The following ITGA5 variants were observed in gnomAD, a reference collection of about 807,000 sequenced individuals.
The protein encoded by ITGA5 is integrin subunit alpha 5.
A neutral mutation model predicts 146.3 loss-of-function variants in ITGA5; 55 were observed. The ratio of observed to expected loss-of-function variants is 0.38; its 90% CI spans 0.30 to 0.47. The LOEUF is 0.47. Among genes scored for constraint, ITGA5 ranks in the 20% least tolerant of loss-of-function variants. The pLI is 0.99. For synonymous variants in ITGA5, 500 were observed against 531.8 expected (o/e 0.94, Z 0.82); for missense variants, 1,131 against 1,329.0 (o/e 0.85, Z 2.32).
rs376779411 is a variant in ITGA5, at chr12:54,408,092, C to T, written c.817+18G>A. On this transcript the variant is annotated intron_variant, in intron 7 of 29. Transcript: ENST00000293379. Reference sequence around the variant, plus strand: ...TGAGGTTCTCCCTCTGCCATCCCTTCCCCACTTGCTTGCTCACCTAGGTAG... The same window carrying T: ...TGAGGTTCTCCCTCTGCCATCCCTTTCCCACTTGCTTGCTCACCTAGGTAG... 69 of 1,613,944 alleles carry T rather than the reference C, an allele frequency of 4.3e-5. No individual in the cohort carries two copies. In the African/African-American group the frequency reaches 8.0e-4, roughly 19 times the overall value.
intron 28 of ITGA5, 119 bp from the exon 29 acceptor site, chr12:54,397,606 G>C: frequency 4.1e-6 from 5 of 1,207,542 alleles, no homozygotes; most frequent in Non-Finnish European, 5.8e-6. Context: ...CTGGGGAACA[G>C]GGAGGGCCTG....
rs931865544 is a variant in ITGA5 at position 54,395,659 on chromosome 12, C to G, written c.*634G>C. 1 of 152,872 alleles carries G rather than the reference C, an allele frequency of 6.5e-6. No homozygotes were observed. Among genetic ancestry groups the G allele is most frequent in the African/African-American group, 2.4e-5 (1 of 41,442 alleles). 9.5% of individuals were successfully genotyped at this position (152,872 alleles called of 1,614,324 possible). A position where few individuals can be genotyped will look rare whatever the true frequency, so the allele number is the denominator to read the frequency against. ...TCTGGGTTCCAGATCAACTCCAGACCCCAGGCTGGATCTGGCCCCATTTGA... is the reference window on the plus strand; with the variant it reads ...TCTGGGTTCCAGATCAACTCCAGACGCCAGGCTGGATCTGGCCCCATTTGA... On this transcript the variant is annotated 3_prime_UTR_variant, in exon 30 of 30. Coordinates refer to ENST00000293379, the MANE Select transcript of ITGA5 (RefSeq NM_002205.5).
intron 9 of ITGA5, among the ~76,000 whole-genome samples, chr12:54,407,063 G>A (rs1404734969): frequency 6.6e-6 from 1 of 152,142 alleles, no homozygotes; most frequent in East Asian, 1.9e-4. Context: ...CTACCCCATA[G>A]GCTTGTTGTG....
In ITGA5 at chr12:54,405,253, TG is replaced by T. The variant is rs1463105197; in HGVS notation, c.1137del (p.Thr380ProfsTer17). 1 of 1,613,656 alleles carries T rather than the reference TG, an allele frequency of 6.2e-7. No homozygotes were observed. The highest frequency in any genetic ancestry group is 1.1e-5 in the South Asian group (1 of 91,052). ...TCATCATGGCCAGTGAGGGTAAGGG[TG>T]GGCGTGGGCTCTATGCCGGCTGGGT... ...LQHPAGIEPT[P>X]TLTLTGHDEF... is the part of the protein sequence containing the mutation. On this transcript the variant is annotated frameshift_variant, in exon 12 of 30. Transcript: ENST00000293379. LOFTEE classifies it high-confidence loss of function.
In ITGA5 at chr12:54,400,880, G is replaced by C. The variant is rs747987452; in HGVS notation, c.2609C>G (p.Thr870Ser). The C allele has an allele frequency of 6.2e-7, 1 of 1,614,100 alleles. No homozygotes were observed. Among genetic ancestry groups the C allele is most frequent in the Non-Finnish European group, 8.5e-7 (1 of 1,180,010 alleles). Residue 870 changes from threonine to serine, a missense_variant, in exon 25 of 30, where the codon ACC becomes AGC. Thr to Ser is a moderately conservative substitution (Grantham distance 58). Coordinates refer to ENST00000293379, the MANE Select transcript of ITGA5 (RefSeq NM_002205.5). ...CTTTGGGTTAATGGGGTGATTGGTG[G>C]TGCAGTTGAGTCCCGTAACTCTGGT... ...YVTRVTGLNCTTNHPINPKGL... is the reference protein window; with the variant it reads ...YVTRVTGLNCSTNHPINPKGL...
chr12:54,396,312 G>T lies in ITGA5; in HGVS notation c.3131C>A (p.Pro1044Gln). ...TAMEKAQLKPPATSDA is the reference protein window; with the variant it reads ...TAMEKAQLKPQATSDA ...GAGGACTCAGGCATCAGAGGTGGCT[G>T]GAGGCTTGAGCTGAGCTTTTTCCAT... Residue 1044 changes from proline to glutamine, a missense_variant, in exon 30 of 30, where the codon CCA becomes CAA. Pro to Gln is a moderately conservative substitution (Grantham distance 76). Transcript: ENST00000293379. 6.2e-7 allele frequency: 1 copy of T among 1,613,966 alleles called. No homozygotes were observed. Among genetic ancestry groups the T allele is most frequent in the Non-Finnish European group, 8.5e-7 (1 of 1,179,824 alleles).
At chr12:54,406,987 C>G (rs1379311292) in intron 9 of ITGA5, among the ~76,000 whole-genome samples, 4 of 152,178 alleles carry the variant, frequency 2.6e-5, no homozygotes, top group Non-Finnish European at 5.9e-5. Context: ...ACTGGGTGAT[C>G]TTAAGCAACT....
At chr12:54,406,561 A>G (rs1247833383) in intron 9 of ITGA5, among the ~76,000 whole-genome samples, 3 of 152,000 alleles carry the variant, frequency 2.0e-5, no homozygotes, top group Non-Finnish European at 4.4e-5. Flanking sequence ...TCACTGCCCA[A>G]AGTCTCAACT....
At position 54,402,109 on chromosome 12, in the gene ITGA5, G is replaced by A; in HGVS notation, c.2134-16C>T. Reference sequence around the variant, plus strand: ...TGGAGAAGTTCTGGAGATGGGGTGGGCACTGGTCAGGTTTTGGTGTCCCCT... The same window carrying A: ...TGGAGAAGTTCTGGAGATGGGGTGGACACTGGTCAGGTTTTGGTGTCCCCT... On this transcript the variant is annotated splice_polypyrimidine_tract_variant and intron_variant, in intron 20 of 29. Transcript: ENST00000293379. 6.2e-7 allele frequency: 1 copy of A among 1,613,824 alleles called. No individual in the cohort carries two copies. The highest frequency in any genetic ancestry group is 8.5e-7 in the Non-Finnish European group (1 of 1,179,736).
At position 54,395,817 on chromosome 12, in the gene ITGA5, C is replaced by T. The variant is rs1955700446; in HGVS notation, c.*476G>A. ...TGTTGGCCCACCAGGGTGGGGCTGT[C>T]CAGAGCTGCCAGGTCTTAACTCCCC... On this transcript the variant is annotated 3_prime_UTR_variant, in exon 30 of 30. Coordinates refer to ENST00000293379, the MANE Select transcript of ITGA5 (RefSeq NM_002205.5). 6.1e-6 allele frequency: 1 copy of T among 163,350 alleles called. No individual in the cohort carries two copies. The highest frequency in any genetic ancestry group is 1.3e-5 in the Non-Finnish European group (1 of 74,560). 10.1% of individuals were successfully genotyped at this position (163,350 alleles called of 1,614,324 possible).
intron 27 of ITGA5, 136 bp from the exon 28 acceptor site, chr12:54,398,834 T>G: frequency 6.2e-6 from 2 of 321,352 alleles, no homozygotes; most frequent in Admixed American, 5.8e-5. Flanking sequence ...TCTCTCTCTC[T>G]CTTTTTTTTT....
At chr12:54,411,741 GC>G in intron 2 of ITGA5, 92 bp downstream of exon 2, 5 of 1,167,564 alleles carry the variant, frequency 4.3e-6, no homozygotes, top group Non-Finnish European at 5.7e-6. Flanking sequence ...CGGGGTTCCA[GC>G]AGGCTCCACC....
At chr12:54,398,835 C>T (rs12319365) in intron 27 of ITGA5, 137 bp from the exon 28 acceptor site, 2,963 of 220,134 alleles carry the variant, frequency 0.013, 94 homozygotes, top group South Asian at 0.043. Context: ...CTCTCTCTCT[C>T]TTTTTTTTTT....
In ITGA5 at chr12:54,411,970, G is replaced by T. The variant is rs762895058; in HGVS notation, c.219-6C>A. The T allele has an allele frequency of 3.2e-6, 5 of 1,563,614 alleles. No individual in the cohort carries two copies. The highest frequency in any genetic ancestry group is 1.9e-5 in the Admixed American group (1 of 51,920). Reference sequence around the variant, plus strand: ...CTCCCACCAGCACACTGACCCTGTGGGGGGGAAAAGCGAGGCAGTTGAGGA... The same window carrying T: ...CTCCCACCAGCACACTGACCCTGTGTGGGGGAAAAGCGAGGCAGTTGAGGA... On this transcript the variant is annotated splice_polypyrimidine_tract_variant and splice_region_variant and intron_variant, in intron 1 of 29. Transcript: ENST00000293379.
chr12:54,411,210 C>T (rs1232126960), intron 2 of ITGA5, among the ~76,000 whole-genome samples: 1 of 152,274 alleles, frequency 6.6e-6, no homozygotes, highest in African/African-American at 2.4e-5. Flanking sequence ...CATATCCTCT[C>T]TCCAATGTTT....
chr12:54,412,691 G>A (rs1167578328), intron 1 of ITGA5, among the ~76,000 whole-genome samples: 1 of 152,208 alleles, frequency 6.6e-6, no homozygotes. Context: ...CCCAGTTCTG[G>A]ACACAGTGCT....
intron 1 of ITGA5, among the ~76,000 whole-genome samples, chr12:54,414,036 C>A (rs1274661870): frequency 6.6e-6 from 1 of 152,224 alleles, no homozygotes; most frequent in African/African-American, 2.4e-5. Flanking sequence ...GCTTGTAAAG[C>A]CCACAAGCCA....
At position 54,401,858 on chromosome 12, in the gene ITGA5, G is replaced by A; in HGVS notation, c.2227-3C>T. On this transcript the variant is annotated splice_polypyrimidine_tract_variant and splice_region_variant and intron_variant, in intron 21 of 29. Coordinates refer to ENST00000293379, the MANE Select transcript of ITGA5 (RefSeq NM_002205.5). The surrounding 1 kb of genome is among the most constrained non-coding windows in gnomAD (Gnocchi z 5.0). ...GTAAACCGAAGGCCACCCCACAGCT[G>A]GGGACAGAAAAAGAGGAAAAGAGGG... The A allele has an allele frequency of 6.2e-7, 1 of 1,613,924 alleles. No homozygotes were observed. Among genetic ancestry groups the A allele is most frequent in the Non-Finnish European group, 8.5e-7 (1 of 1,179,828 alleles).
chr12:54,399,255 A>C (rs960645070), intron 27 of ITGA5, among the ~76,000 whole-genome samples: 1 of 152,206 alleles, frequency 6.6e-6, no homozygotes, highest in Non-Finnish European at 1.5e-5. Context: ...AAATTTTTTT[A>C]AAATTATTAA....
Sources: gnomAD v4.1 joint callset for allele counts (sites outside exome capture counted in the v4.1 genomes callset) on GRCh38, gnomAD v4.1.1 for gene constraint, Gnocchi (gnomAD v3.1) non-coding constraint, MANE v1.5 for transcripts, NCBI Gene and HGNC (gene_info 2026-07-23, HGNC 2026-07-21) for gene names.